Variants in IQCM observed in about 807,000 individuals in gnomAD.
IQCM encodes the protein IQ domain-containing protein M.
A neutral mutation model predicts 57.6 loss-of-function variants in IQCM; 45 were observed. The ratio of observed to expected loss-of-function variants is 0.78; its 90% CI spans 0.62 to 1.00. The LOEUF is 1.00. IQCM is among the 50% of genes least tolerant of loss of function. The pLI is 0.00. For missense variants in IQCM, 468 were observed against 511.6 expected (o/e 0.91, Z 0.82); for synonymous variants, 148 against 158.9 (o/e 0.93, Z 0.51).
At chr4:149,730,566 C>A (rs1766363173) in intron 5 of IQCM, among the ~76,000 whole-genome samples, 1 of 152,192 alleles carries the variant, frequency 6.6e-6, no homozygotes, top group African/African-American at 2.4e-5. Flanking sequence ...ACATCATAAT[C>A]ACTTTCTCAG....
intron 13 of IQCM, among the ~76,000 whole-genome samples, chr4:149,388,581 T>C (rs867662713): frequency 3.0e-5 from 3 of 101,198 alleles, no homozygotes; most frequent in Non-Finnish European, 5.9e-5. Context: ...TAAATATATA[T>C]ACATATATAC....
intron 7 of IQCM, among the ~76,000 whole-genome samples, chr4:149,625,010 G>A (rs899618058): frequency 3.9e-5 from 6 of 152,106 alleles, no homozygotes; most frequent in African/African-American, 1.4e-4. Flanking sequence ...GTTTTAATCT[G>A]TAGGTAATTA....
At chr4:149,511,334 C>A (rs1744390975) in intron 12 of IQCM, among the ~76,000 whole-genome samples, 4 of 151,268 alleles carry the variant, frequency 2.6e-5, no homozygotes, top group Non-Finnish European at 5.9e-5. Flanking sequence ...GATTGGCCAA[C>A]ATGGTGAAAC....
intron 2 of IQCM, among the ~76,000 whole-genome samples, chr4:149,791,185 T>C (rs1772570772): frequency 6.6e-6 from 1 of 152,188 alleles, no homozygotes; most frequent in African/African-American, 2.4e-5. Context: ...ACATAAATCA[T>C]TTTGGTAGAT....
intron 12 of IQCM, among the ~76,000 whole-genome samples, chr4:149,530,542 G>A (rs1746624352): frequency 6.6e-6 from 1 of 152,182 alleles, no homozygotes; most frequent in South Asian, 2.1e-4. Context: ...AAATATATTA[G>A]TCCTGAGACA....
chr4:149,580,296 T>C (rs1226621174), intron 9 of IQCM, among the ~76,000 whole-genome samples: 2 of 151,796 alleles, frequency 1.3e-5, no homozygotes, highest in Non-Finnish European at 2.9e-5. Context: ...TTCTGGAGAA[T>C]GGCAAATGCC....
intron 13 of IQCM, among the ~76,000 whole-genome samples, chr4:149,368,769 T>C (rs150603460): frequency 0.024 from 2,326 of 95,292 alleles, 270 homozygotes; most frequent in African/African-American, 0.084. Flanking sequence ...TATATATATA[T>C]ACATATATAT....
At chr4:149,723,943 T>A (rs566730072) in intron 5 of IQCM, among the ~76,000 whole-genome samples, 1 of 151,998 alleles carries the variant, frequency 6.6e-6, no homozygotes, top group African/African-American at 2.4e-5. Flanking sequence ...CCTGGGAGAT[T>A]TTTTTTAAAT....
intron 12 of IQCM, among the ~76,000 whole-genome samples, chr4:149,453,796 C>A (rs1042453676): frequency 6.6e-6 from 1 of 151,788 alleles, no homozygotes. Flanking sequence ...AACAACTTTG[C>A]ATAAGAGTTT....
At chr4:149,508,381 T>C (rs991839132) in intron 12 of IQCM, among the ~76,000 whole-genome samples, 1 of 152,176 alleles carries the variant, frequency 6.6e-6, no homozygotes, top group African/African-American at 2.4e-5. Context: ...GGAAGGGGGC[T>C]GTGCCCAGCA....
intron 7 of IQCM, among the ~76,000 whole-genome samples, chr4:149,677,346 G>T (rs1017353194): frequency 6.6e-6 from 1 of 152,052 alleles, no homozygotes; most frequent in African/African-American, 2.4e-5. Flanking sequence ...CCAGGAGCAT[G>T]GGCACAAACC....
At position 149,368,959 on chromosome 4, in the gene IQCM, C is replaced by T. The variant is rs1272522811; in HGVS notation, c.1391-16893G>A. Among the ~76,000 whole-genome samples the T allele has an allele frequency of 4.0e-5, 2 of 49,432 alleles. 1 individual carries two copies. Among genetic ancestry groups the T allele is most frequent in the Non-Finnish European group, 7.8e-5 (2 of 25,556 alleles). The allele number at this position is 49,432 out of a possible 152,430, so 32.4% of individuals were successfully genotyped here. ...GTATATATATGTGTATATATATACA[C>T]GTGTATATATATATGTGTATATATA... On this transcript the variant is annotated intron_variant, in intron 13 of 13. Coordinates refer to ENST00000636793, the MANE Select transcript of IQCM (RefSeq NM_001363507.2).
intron 8 of IQCM, among the ~76,000 whole-genome samples, chr4:149,590,247 C>CTTTTTTTTTTTTTTTTTTTTTTTCTTT (rs71596214): frequency 2.7e-5 from 2 of 73,630 alleles, no homozygotes; most frequent in Non-Finnish European, 5.2e-5. Flanking sequence ...TTTTTCTTTC[C>CTTTTTTTTTTTTTTTTTTTTTTTCTTT]TTTTTTTTTT....
chr4:149,356,025 G>A (rs1728950219), intron 13 of IQCM, among the ~76,000 whole-genome samples: 1 of 152,020 alleles, frequency 6.6e-6, no homozygotes, highest in Non-Finnish European at 1.5e-5. Flanking sequence ...TGTGTTTTTT[G>A]GCTGCATAAA....
chr4:149,546,443 A>G (rs1748442558), intron 12 of IQCM, among the ~76,000 whole-genome samples: 1 of 152,186 alleles, frequency 6.6e-6, no homozygotes. Context: ...CCAACAGTGT[A>G]AAAGTGTTAC....
chr4:149,729,714 T>A (rs1326790847), intron 5 of IQCM, among the ~76,000 whole-genome samples: 1 of 151,448 alleles, frequency 6.6e-6, no homozygotes, highest in East Asian at 1.9e-4. Context: ...AATATATGGT[T>A]CTAAAATCTC....
intron 9 of IQCM, 148 bp from the exon 10 acceptor site, chr4:149,564,038 A>G (rs774953962): frequency 1.7e-4 from 73 of 435,378 alleles, no homozygotes; most frequent in South Asian, 7.7e-4. Context: ...TCACCAGGAC[A>G]TGTCAATAAG....
chr4:149,727,969 G>A (rs896106788), intron 5 of IQCM, among the ~76,000 whole-genome samples: 9 of 152,110 alleles, frequency 5.9e-5, no homozygotes, highest in African/African-American at 1.9e-4. Context: ...TTTGAAATTG[G>A]CTATGTTAAG....
At chr4:149,581,262 C>CAT (rs369922752) in intron 9 of IQCM, among the ~76,000 whole-genome samples, 1,559 of 148,596 alleles carry the variant, frequency 0.01, 29 homozygotes, top group African/African-American at 0.035. Context: ...TACTTCAATT[C>CAT]ATATATATAT....
Sources: allele counts gnomAD v4.1 joint callset (sites outside exome capture counted in the v4.1 genomes callset), GRCh38; gene constraint gnomAD v4.1.1; transcripts MANE v1.5; gene names NCBI Gene and HGNC (gene_info 2026-07-23, HGNC 2026-07-21).